Variants in ANXA4 observed in about 807,000 individuals in gnomAD.
ANXA4 encodes the protein 35-beta calcimedin.
Under a neutral mutation model 49.8 loss-of-function variants are expected in ANXA4, and 39 were observed. The observed-to-expected ratio is 0.78, with a 90% CI of 0.61 to 1.02. The LOEUF (loss-of-function observed/expected upper bound fraction) is 1.02. Ranked by LOEUF, ANXA4 falls within the 50% of genes least tolerant of loss-of-function variation. ANXA4 has a pLI of 0.00. For synonymous variants in ANXA4, 134 were observed against 152.5 expected (o/e 0.88, Z 0.89); for missense variants, 360 against 410.1 (o/e 0.88, Z 1.05).
intron 2 of ANXA4, among the ~76,000 whole-genome samples, chr2:69,786,142 C>T (rs1259395450): frequency 6.6e-6 from 1 of 152,226 alleles, no homozygotes; most frequent in Non-Finnish European, 1.5e-5. Context: ...CCACTCCACA[C>T]TGCCACTCTG....
intron 2 of ANXA4, among the ~76,000 whole-genome samples, chr2:69,703,291 C>T (rs1215650186): frequency 6.6e-6 from 1 of 151,580 alleles, no homozygotes; most frequent in Non-Finnish European, 1.5e-5. Flanking sequence ...ATAAAATGTA[C>T]CCTTTTAAAG....
At chr2:69,712,705 C>T (rs1678714276) in intron 2 of ANXA4, among the ~76,000 whole-genome samples, 1 of 152,164 alleles carries the variant, frequency 6.6e-6, no homozygotes, top group Non-Finnish European at 1.5e-5. Context: ...CTACCCACTC[C>T]CTCGTAAAGA....
At chr2:69,694,302 C>G (rs1357802650) in intron 2 of ANXA4, among the ~76,000 whole-genome samples, 2 of 151,930 alleles carry the variant, frequency 1.3e-5, no homozygotes, top group African/African-American at 2.4e-5. Flanking sequence ...GAAAGTAAGC[C>G]CTCACCAGAT....
intron 2 of ANXA4, among the ~76,000 whole-genome samples, chr2:69,786,832 C>T (rs1430588476): frequency 1.3e-5 from 2 of 152,140 alleles, no homozygotes; most frequent in Non-Finnish European, 2.9e-5. Flanking sequence ...AGAGATCCTC[C>T]CACCTCAGCT....
chr2:69,665,631 G>A (rs1400438272), intron 2 of ANXA4, among the ~76,000 whole-genome samples: 1 of 152,116 alleles, frequency 6.6e-6, no homozygotes, highest in African/African-American at 2.4e-5. Context: ...CATTTAAATA[G>A]CCCAAGGCAT....
chr2:69,649,033 T>C (rs1676121287), intron 1 of ANXA4, among the ~76,000 whole-genome samples: 1 of 151,842 alleles, frequency 6.6e-6, no homozygotes, highest in South Asian at 2.1e-4. Flanking sequence ...ATTACAGGCA[T>C]GTGCCACCAC....
intron 12 of ANXA4, among the ~76,000 whole-genome samples, chr2:69,823,118 A>C (rs1674317036): frequency 6.7e-6 from 1 of 150,320 alleles, no homozygotes; most frequent in East Asian, 1.9e-4. Flanking sequence ...ATCAATAGGG[A>C]ATAACAAATT....
At chr2:69,741,325 G>A (rs1031521166), upstream of ANXA4, among the ~76,000 whole-genome samples, 2 of 152,222 alleles carry the variant, frequency 1.3e-5, no homozygotes, top group African/African-American at 4.8e-5. Context: ...CCTAGCCCTA[G>A]TTGGTGTCTT....
At position 69,774,340 on chromosome 2, in the gene ANXA4, C is replaced by CTTTTT. The variant is rs869296678; in HGVS notation, c.-46-7169_-46-7165dup. ...TATGTAAAAGGAGCCCCCCCCCCCCCTTTTTTTTTTTTTTTGAGACAGAGT... is the reference window on the plus strand; with the variant it reads ...TATGTAAAAGGAGCCCCCCCCCCCCCTTTTTTTTTTTTTTTTTTTTGAGACAGAGT... On this transcript the variant is annotated intron_variant, in intron 1 of 12. Coordinates refer to ENST00000394295, the MANE Select transcript of ANXA4 (RefSeq NM_001153.5). Among the ~76,000 whole-genome samples the CTTTTT allele has an allele frequency of 5.9e-4, 30 of 50,812 alleles. 1 individual carries two copies. Among genetic ancestry groups the CTTTTT allele is most frequent in the Admixed American group, 2.2e-3 (10 of 4,588 alleles). The allele number at this position is 50,812 out of a possible 152,430, so 33.3% of individuals were successfully genotyped here. A position where few individuals can be genotyped will look rare whatever the true frequency, so the allele number is the denominator to read the frequency against.
upstream of ANXA4, among the ~76,000 whole-genome samples, chr2:69,737,157 T>C (rs1292099874): frequency 6.6e-6 from 1 of 152,236 alleles, no homozygotes; most frequent in Non-Finnish European, 1.5e-5. Context: ...CATGTGTTGC[T>C]ACTGAGAAAT....
intron 3 of ANXA4, among the ~76,000 whole-genome samples, chr2:69,800,754 A>G (rs1484559081): frequency 6.6e-6 from 1 of 152,204 alleles, no homozygotes; most frequent in Non-Finnish European, 1.5e-5. Flanking sequence ...TGGTAAATCC[A>G]CAGAAAAGTG....
chr2:69,771,607 A>G (rs953037430), intron 1 of ANXA4, among the ~76,000 whole-genome samples: 2 of 152,192 alleles, frequency 1.3e-5, no homozygotes, highest in Non-Finnish European at 2.9e-5. Flanking sequence ...TAGCCTACTA[A>G]ATAGGACTTG....
intron 2 of ANXA4, among the ~76,000 whole-genome samples, chr2:69,785,551 TTGATGATGATGA>T (rs10689485): frequency 1.3e-5 from 2 of 150,754 alleles, no homozygotes; most frequent in African/African-American, 2.4e-5. Flanking sequence ...GAAGTTCTCT[TTGATGATGATGA>T]TGATGATGAT....
chr2:69,818,694 G>C lies in ANXA4; in HGVS notation c.724G>C (p.Val242Leu). The C allele has an allele frequency of 6.3e-7, 1 of 1,596,900 alleles. No individual in the cohort carries two copies. Among genetic ancestry groups the C allele is most frequent in the African/African-American group, 1.3e-5 (1 of 74,522 alleles). The change falls in exon 10 of 13, where the codon GTA becomes CTA. Residue 242 changes from valine (V) to leucine (L), a missense_variant and splice_region_variant. Transcript: ENST00000394295. ...GSFEDALLAI[V>L]KCMRNKSAYF... is the part of the protein sequence containing the mutation. ...CTTTGAAGATGCTCTGCTGGCTATA[G>C]GTAAGCTGGTAGGGGGAGTAGAGAA... is the stretch of plus-strand genomic sequence containing the variant.
At chr2:69,759,723 A>G (rs576636385) in intron 1 of ANXA4, among the ~76,000 whole-genome samples, 1 of 152,330 alleles carries the variant, frequency 6.6e-6, no homozygotes, top group East Asian at 1.9e-4. Context: ...CTGCCATAAG[A>G]TCCTGAGGCT....
rs187278564 is a variant in ANXA4 at position 69,736,337 on chromosome 2, T to G, written n.864+15466T>G. ...GCAACTTGTAGAATTAATAAATGAT[T>G]GTATACCATTAATAGTAACACTTCT... On this transcript the variant is annotated intron_variant and non_coding_transcript_variant, in intron 3 of 3. Transcript: ENST00000418066. Among the ~76,000 whole-genome samples, 259 of 152,310 alleles carry G rather than the reference T, an allele frequency of 1.7e-3. 1 individual carries two copies. Among genetic ancestry groups the G allele is most frequent in the Middle Eastern group, 3.4e-3 (1 of 294 alleles).
chr2:69,762,140 A>G lies in ANXA4; in HGVS notation c.-46-19380A>G, dbSNP rs949423617. Among the ~76,000 whole-genome samples, 8 of 152,348 alleles carry G rather than the reference A, an allele frequency of 5.3e-5. No homozygotes were observed. In the East Asian group the frequency reaches 1.5e-3, roughly 29 times the overall value. ...TAAAATGAAACAAAATTTAAAATTT[A>G]GTTTCTCAGTCTCTCTAGCCACTTT... On this transcript the variant is annotated intron_variant, in intron 1 of 12. Transcript: ENST00000394295.
chr2:69,810,663 C>T lies in ANXA4; in HGVS notation c.467C>T (p.Ser156Phe). 6.2e-7 allele frequency: 1 copy of T among 1,613,574 alleles called. No homozygotes were observed. The highest frequency in any genetic ancestry group is 2.2e-5 in the East Asian group (1 of 44,882). Residue 156 changes from serine to phenylalanine, a missense_variant, in exon 7 of 13, where the codon TCT (serine) becomes TTT (phenylalanine). By Grantham distance (155) the Ser-to-Phe change is radical. Transcript: ENST00000394295. ...TTCATGTTCCAGCGAGTGCTGGTGT[C>T]TCTGTCAGCTGTGAGTGACTGCTTC... ...TSFMFQRVLV[S>F]LSAGGRDEGN...
At chr2:69,668,642 A>T (rs1383590050) in intron 2 of ANXA4, among the ~76,000 whole-genome samples, 2 of 152,174 alleles carry the variant, frequency 1.3e-5, no homozygotes, top group Non-Finnish European at 2.9e-5. Flanking sequence ...CCGTCATTTC[A>T]TCTTGATGAA....
Sources: gnomAD v4.1 joint callset for allele counts (sites outside exome capture counted in the v4.1 genomes callset) on GRCh38, gnomAD v4.1.1 for gene constraint, MANE v1.5 for transcripts, NCBI Gene and HGNC (gene_info 2026-07-23, HGNC 2026-07-21) for gene names.